FAM107A: variants seen among roughly 807,000 people sequenced by gnomAD.
FAM107A encodes the protein family with sequence similarity 107 member A.
Under a neutral mutation model 13.7 loss-of-function variants are expected in FAM107A, and 19 were observed. The ratio of observed to expected loss-of-function variants is 1.38; its 90% CI spans 0.97 to 2.03. The LOEUF (loss-of-function observed/expected upper bound fraction) is 2.03, where lower values mean the gene tolerates loss of function less well. FAM107A is among the 30% of genes most tolerant of loss of function. The pLI is 0.00. For synonymous variants in FAM107A, 82 were observed against 74.5 expected (o/e 1.10, Z -0.52); for missense variants, 203 against 184.4 (o/e 1.10, Z -0.58).
chr3:58,600,032 C>G (rs138743193), intron 1 of FAM107A, among the ~76,000 whole-genome samples: 130 of 152,196 alleles, frequency 8.5e-4, no homozygotes, highest in African/African-American at 3.0e-3. Context: ...ATTTACCCCC[C>G]ACCCCTGCAA....
chr3:58,591,018 C>G (rs2065650297), upstream of FAM107A, among the ~76,000 whole-genome samples: 1 of 152,210 alleles, frequency 6.6e-6, no homozygotes, highest in Non-Finnish European at 1.5e-5. This position sits in a 1 kb window ranked among gnomAD's most constrained non-coding sequence, Gnocchi z 4.3. Flanking sequence ...TCCCTGTGAG[C>G]CTCTCAAATT....
At chr3:58,598,194 C>T (rs1250419975) in intron 1 of FAM107A, among the ~76,000 whole-genome samples, 1 of 152,196 alleles carries the variant, frequency 6.6e-6, no homozygotes, top group South Asian at 2.1e-4. Flanking sequence ...TGCCACCTCT[C>T]TTTTCCATCC....
At chr3:58,606,833 A>G (rs1277607446) in intron 1 of FAM107A, among the ~76,000 whole-genome samples, 3 of 151,844 alleles carry the variant, frequency 2.0e-5, no homozygotes, top group African/African-American at 7.3e-5. Flanking sequence ...CCCAATACCT[A>G]TTTCTCCCTC....
At position 58,613,672 on chromosome 3, in the gene FAM107A, C is replaced by T. The variant is rs1048546411; in HGVS notation, c.-70+13744G>A. ...GATGGCACCTCCTCCAGGAAGCCTTCCCTGATATTCCCCTCCCTAGGATTG... is the reference window on the plus strand; with the variant it reads ...GATGGCACCTCCTCCAGGAAGCCTTTCCTGATATTCCCCTCCCTAGGATTG... On this transcript the variant is annotated intron_variant, in intron 1 of 3. Coordinates refer to the FAM107A transcript ENST00000465970. This position sits in a 1 kb window ranked among gnomAD's most constrained non-coding sequence, Gnocchi z 4.6. Among the ~76,000 whole-genome samples, 2 of 152,154 alleles carry T rather than the reference C, an allele frequency of 1.3e-5. No individual in the cohort carries two copies. Among genetic ancestry groups the T allele is most frequent in the African/African-American group, 2.4e-5 (1 of 41,434 alleles).
intron 1 of FAM107A, among the ~76,000 whole-genome samples, chr3:58,612,127 C>T (rs2065860418): frequency 6.6e-6 from 1 of 151,974 alleles, no homozygotes; most frequent in Admixed American, 6.6e-5. Flanking sequence ...CACCCATGAT[C>T]CTAAAAGTAA....
At chr3:58,603,344 A>C (rs959619750) in intron 1 of FAM107A, among the ~76,000 whole-genome samples, 1 of 152,194 alleles carries the variant, frequency 6.6e-6, no homozygotes, top group African/African-American at 2.4e-5. Context: ...TGAGTCCTTC[A>C]TGTGCATTCT....
intron 1 of FAM107A, among the ~76,000 whole-genome samples, chr3:58,623,140 C>A (rs550270499): frequency 6.6e-6 from 1 of 152,336 alleles, no homozygotes; most frequent in South Asian, 2.1e-4. Flanking sequence ...AGGGCCCAGC[C>A]AGATGTGTAC....
intron 1 of FAM107A, chr3:58,607,564 A>G (rs1458884657): frequency 6.6e-6 from 1 of 151,626 alleles, no homozygotes; most frequent in African/African-American, 2.4e-5. Context: ...ATGGATTTGT[A>G]TATGTGCATG....
At chr3:58,594,217 C>T (rs2065679880) in intron 1 of FAM107A, among the ~76,000 whole-genome samples, 1 of 152,226 alleles carries the variant, frequency 6.6e-6, no homozygotes, top group African/African-American at 2.4e-5. Flanking sequence ...TTAGCAGTTA[C>T]TATTGCTTAG....
intron 1 of FAM107A, among the ~76,000 whole-genome samples, chr3:58,576,988 A>T (rs17059405): frequency 1.4e-3 from 208 of 152,378 alleles, no homozygotes; most frequent in African/African-American, 4.9e-3. Context: ...ATACTGTGTG[A>T]TAATTGACTT....
At chr3:58,585,274 A>C (rs767095205) in intron 1 of FAM107A, among the ~76,000 whole-genome samples, 14 of 152,214 alleles carry the variant, frequency 9.2e-5, no homozygotes, top group Non-Finnish European at 2.1e-4. Context: ...GGGGACACTT[A>C]GGGTGGCGTG....
rs1338101462 is a variant in FAM107A at position 58,564,623 on chromosome 3, G to A, written c.*1965C>T. 2 of 152,252 alleles carry A rather than the reference G, an allele frequency of 1.3e-5. No individual in the cohort carries two copies. The highest frequency in any genetic ancestry group is 3.9e-4 in the East Asian group (2 of 5,190). The allele number at this position is 152,252 out of a possible 1,614,324, so 9.4% of individuals were successfully genotyped here. On this transcript the variant is annotated 3_prime_UTR_variant, in exon 4 of 4. Coordinates refer to ENST00000360997, the MANE Select transcript of FAM107A (RefSeq NM_001076778.3). This position sits in a 1 kb window ranked among gnomAD's most constrained non-coding sequence, Gnocchi z 5.6. The stretch of plus-strand genomic sequence containing the variant: ...ATGGAGCACCTCTGGGGACCACTGG[G>A]TGAATCCCCAGGCATTCCCTTGGAG...
intron 1 of FAM107A, chr3:58,626,852 G>A (rs1421725681): frequency 4.3e-6 from 4 of 929,446 alleles, no homozygotes; most frequent in African/African-American, 3.3e-5. Context: ...GTTCCAGGGG[G>A]AGGGCTGGTG....
intron 2 of FAM107A, among the ~76,000 whole-genome samples, chr3:58,568,096 C>G (rs1190008970): frequency 1.3e-5 from 2 of 150,858 alleles, no homozygotes; most frequent in Non-Finnish European, 3.0e-5. Flanking sequence ...GCCACCATGT[C>G]TGGCTGTACT....
At chr3:58,610,638 T>G (rs1322067704) in intron 1 of FAM107A, among the ~76,000 whole-genome samples, 1 of 152,200 alleles carries the variant, frequency 6.6e-6, no homozygotes, top group Non-Finnish European at 1.5e-5. Flanking sequence ...GCATAGGTGG[T>G]GTATAGTAAG....
At chr3:58,609,922 C>A (rs1181231521) in intron 1 of FAM107A, among the ~76,000 whole-genome samples, 1 of 152,204 alleles carries the variant, frequency 6.6e-6, no homozygotes, top group African/African-American at 2.4e-5. Flanking sequence ...TATTTCTTGG[C>A]TGGTTAATAT....
At chr3:58,590,667 G>A (rs542257995), upstream of FAM107A, among the ~76,000 whole-genome samples, 12 of 152,302 alleles carry the variant, frequency 7.9e-5, no homozygotes, top group South Asian at 2.5e-3. Flanking sequence ...GCAAGGAAGT[G>A]CCACACTTTA....
At chr3:58,566,811 G>T in intron 3 of FAM107A, 116 bp from the exon 4 acceptor site, 2 of 764,938 alleles carry the variant, frequency 2.6e-6, no homozygotes, top group East Asian at 2.5e-5. Context: ...CCAACCTGGG[G>T]ATGAGTTTTG....
chr3:58,569,901 G>A lies in FAM107A; in HGVS notation c.-5-36C>T. On this transcript the variant is annotated intron_variant, in intron 1 of 3. Transcript: ENST00000360997. This position sits in a 1 kb window ranked among gnomAD's most constrained non-coding sequence, Gnocchi z 5.7. ...GGGCAGAGGAGTAGCTCAGAGCTGAGCCTATAATCTCACCCTGCCCCATGG... is the reference window on the plus strand; with the variant it reads ...GGGCAGAGGAGTAGCTCAGAGCTGAACCTATAATCTCACCCTGCCCCATGG... 6.3e-7 allele frequency: 1 copy of A among 1,592,158 alleles called. No homozygotes were observed. The highest frequency in any genetic ancestry group is 2.3e-5 in the East Asian group (1 of 44,426).
Sources: gnomAD v4.1 joint callset for allele counts (sites outside exome capture counted in the v4.1 genomes callset) on GRCh38, gnomAD v4.1.1 for gene constraint, Gnocchi (gnomAD v3.1) non-coding constraint, MANE v1.5 for transcripts, NCBI Gene and HGNC (gene_info 2026-07-23, HGNC 2026-07-21) for gene names.